The following GPC6 variants were observed in gnomAD, a reference collection of about 807,000 sequenced individuals.
GPC6 encodes glypican 6.
GPC6 carries 14 observed loss-of-function variants against 55.2 expected under a neutral mutation model. That is an observed-to-expected ratio of 0.25 (90% CI 0.17 to 0.40). The LOEUF (loss-of-function observed/expected upper bound fraction) is 0.40. GPC6 is among the 10% of genes least tolerant of loss of function. The probability of loss-of-function intolerance (pLI) is 1.00; values close to 1 mark genes in which losing one functional copy is unlikely to be tolerated. For missense variants in GPC6, 641 were observed against 708.5 expected, an observed-to-expected ratio of 0.90 and a Z score of 1.08; for synonymous variants, 278 against 259.6, an observed-to-expected ratio of 1.07 and a Z score of -0.68.
chr13:93,948,384 C>T (rs1332128428), intron 3 of GPC6, among the ~76,000 whole-genome samples: 4 of 152,112 alleles, frequency 2.6e-5, no homozygotes, highest in Non-Finnish European at 5.9e-5. Flanking sequence ...TCCAATTATT[C>T]TTGTAGGCCA....
intron 4 of GPC6, among the ~76,000 whole-genome samples, chr13:94,239,037 TAA>T (rs1212544122): frequency 6.6e-6 from 1 of 152,162 alleles, no homozygotes; most frequent in Non-Finnish European, 1.5e-5. Flanking sequence ...TTACTGCTCT[TAA>T]GTTAATAACG....
chr13:93,565,472 C>A (rs1158838906), intron 2 of GPC6, among the ~76,000 whole-genome samples: 1 of 152,144 alleles, frequency 6.6e-6, no homozygotes, highest in African/African-American at 2.4e-5. Flanking sequence ...TTTGCCTTTT[C>A]CAATAATTGA....
At chr13:94,367,872 C>T (rs1049888900) in intron 6 of GPC6, among the ~76,000 whole-genome samples, 1 of 151,626 alleles carries the variant, frequency 6.6e-6, no homozygotes, top group African/African-American at 2.4e-5. Flanking sequence ...AAGTACCGGC[C>T]GGGCACCATG....
chr13:93,845,174 CTG>C (rs1284404909), intron 3 of GPC6, among the ~76,000 whole-genome samples: 28 of 152,098 alleles, frequency 1.8e-4, no homozygotes, highest in African/African-American at 6.8e-4. Flanking sequence ...TTTTCCAACT[CTG>C]TGAACAGACA....
At chr13:93,358,345 C>CA (rs201384328) in intron 1 of GPC6, among the ~76,000 whole-genome samples, 53 of 149,300 alleles carry the variant, frequency 3.5e-4, no homozygotes, top group Middle Eastern at 3.4e-3. Context: ...GTCTCAAAGA[C>CA]AAAAAAAAAT....
At chr13:94,132,479 A>G (rs1887035445) in intron 4 of GPC6, among the ~76,000 whole-genome samples, 1 of 152,138 alleles carries the variant, frequency 6.6e-6, no homozygotes, top group Admixed American at 6.6e-5. Flanking sequence ...AGCCTCATGG[A>G]ACAGGGCATT....
intron 1 of GPC6, among the ~76,000 whole-genome samples, chr13:93,390,457 A>G (rs905612963): frequency 6.6e-6 from 1 of 152,194 alleles, no homozygotes; most frequent in African/African-American, 2.4e-5. Flanking sequence ...TGTACTCTAG[A>G]GACCCAGCTG....
chr13:93,356,927 G>A (rs1296781097), intron 1 of GPC6, among the ~76,000 whole-genome samples: 1 of 152,154 alleles, frequency 6.6e-6, no homozygotes, highest in Non-Finnish European at 1.5e-5. Flanking sequence ...GAGATCATGG[G>A]TCACCAGGCT....
intron 2 of GPC6, among the ~76,000 whole-genome samples, chr13:93,703,247 C>T (rs1882734608): frequency 6.6e-6 from 1 of 151,820 alleles, no homozygotes; most frequent in South Asian, 2.1e-4. Flanking sequence ...GTGAGTAGAG[C>T]AGTCAAAACA....
intron 3 of GPC6, among the ~76,000 whole-genome samples, chr13:93,882,152 TG>T (rs1294112460): frequency 6.6e-6 from 1 of 151,976 alleles, no homozygotes; most frequent in Admixed American, 6.6e-5. Flanking sequence ...GTTTTATTTT[TG>T]TTTTTTGTTT....
intron 1 of GPC6, among the ~76,000 whole-genome samples, chr13:93,305,120 CCCATCAGACACA>C (rs1213183990): frequency 6.6e-6 from 1 of 152,152 alleles, no homozygotes; most frequent in Non-Finnish European, 1.5e-5. Flanking sequence ...ACACGGCCTG[CCCATCAGACACA>C]CCTGGGGTCG....
chr13:93,700,294 A>G (rs1166523523), intron 2 of GPC6, among the ~76,000 whole-genome samples: 2 of 152,074 alleles, frequency 1.3e-5, no homozygotes, highest in African/African-American at 2.4e-5. Context: ...GAAAATGCCA[A>G]TCTTTCTTAG....
At position 93,918,013 on chromosome 13, in the gene GPC6, C is replaced by T. The variant is rs61964381; in HGVS notation, c.711+87468C>T. Among the ~76,000 whole-genome samples the T allele has an allele frequency of 4.4e-3, 662 of 152,032 alleles. 8 individuals are homozygous for T. The highest frequency in any genetic ancestry group is 7.5e-3 in the Non-Finnish European group (513 of 67,992). On this transcript the variant is annotated intron_variant, in intron 3 of 8. Transcript: ENST00000377047. ...TCGGGAGGCTGAGGCAGAAAAATCA[C>T]TTGAACCCGGGAGGCAGAGGTTGCG...
At chr13:93,235,439 T>C (rs749949743) in intron 1 of GPC6, among the ~76,000 whole-genome samples, 2 of 151,964 alleles carry the variant, frequency 1.3e-5, no homozygotes, top group African/African-American at 2.4e-5. Context: ...GACGAAAGTA[T>C]TGTTTTGGAT....
At chr13:93,443,276 G>A (rs79022385) in intron 1 of GPC6, among the ~76,000 whole-genome samples, 22 of 152,246 alleles carry the variant, frequency 1.4e-4, no homozygotes, top group Admixed American at 6.5e-4. Flanking sequence ...TGGAGTCACC[G>A]CTAGGGACCA....
At position 94,006,699 on chromosome 13, in the gene GPC6, G is replaced by T. The variant is rs192528159; in HGVS notation, c.712-21030G>T. Among the ~76,000 whole-genome samples the T allele has an allele frequency of 1.4e-4, 21 of 152,178 alleles. No homozygotes were observed. The South Asian group carries it at 4.3e-3, about 32-fold the overall frequency. On this transcript the variant is annotated intron_variant, in intron 3 of 8. Coordinates refer to ENST00000377047, the MANE Select transcript of GPC6 (RefSeq NM_005708.5). ...AACCACCTAGTTTTATTTTCTAGGC[G>T]CCACCAACTATGAGTTGCACGACTT...
chr13:93,856,895 A>G (rs1400325785), intron 3 of GPC6, among the ~76,000 whole-genome samples: 1 of 151,624 alleles, frequency 6.6e-6, no homozygotes, highest in Admixed American at 6.6e-5. Flanking sequence ...GGCAAAGCCA[A>G]ATTTCTTGTG....
chr13:93,889,825 A>G (rs1369461616), intron 3 of GPC6, among the ~76,000 whole-genome samples: 2 of 152,200 alleles, frequency 1.3e-5, no homozygotes, highest in East Asian at 3.9e-4. Flanking sequence ...ACTCCTCTGA[A>G]CACTGATCTC....
At chr13:94,089,738 A>T (rs1002078621) in intron 4 of GPC6, among the ~76,000 whole-genome samples, 2 of 152,164 alleles carry the variant, frequency 1.3e-5, no homozygotes, top group African/African-American at 2.4e-5. Context: ...AACTTAAGCT[A>T]GGAATGTGTC....
Sources: gnomAD v4.1 joint callset for allele counts (sites outside exome capture counted in the v4.1 genomes callset) on GRCh38, gnomAD v4.1.1 for gene constraint, MANE v1.5 for transcripts, NCBI Gene and HGNC (gene_info 2026-07-23, HGNC 2026-07-21) for gene names.